Variants in QTMAN observed in about 807,000 individuals in gnomAD.
QTMAN encodes the protein queuosine-tRNA mannosyltransferase.
chr2:144,005,293 A>G, the QTMAN span, among the ~76,000 whole-genome samples: 1,112 of 152,244 alleles, frequency 7.3e-3, 10 homozygotes, highest in African/African-American at 0.024. Context: ...TACTCCTGAC[A>G]TATTGAACAA....
chr2:143,948,536 T>C, the QTMAN span, among the ~76,000 whole-genome samples: 1 of 152,162 alleles, frequency 6.6e-6, no homozygotes, highest in Non-Finnish European at 1.5e-5. Flanking sequence ...GGATAATGTC[T>C]ACCTTACACA....
At chr2:144,223,718 A>G in the QTMAN span, among the ~76,000 whole-genome samples, 331 of 152,334 alleles carry the variant, frequency 2.2e-3, 1 homozygote, top group Non-Finnish European at 3.7e-3. Context: ...AATAGTCTTG[A>G]GCTCATGACA....
the QTMAN span, among the ~76,000 whole-genome samples, chr2:143,990,533 G>T: frequency 2.6e-5 from 4 of 152,202 alleles, no homozygotes; most frequent in African/African-American, 9.6e-5. Flanking sequence ...GGAAAGAAAA[G>T]AATGCATGGG....
At chr2:144,231,925 A>G in the QTMAN span, among the ~76,000 whole-genome samples, 2 of 150,850 alleles carry the variant, frequency 1.3e-5, no homozygotes, top group African/African-American at 4.9e-5. Flanking sequence ...ACATTATCAG[A>G]CCTTGGCACA....
At chr2:144,301,686 CTCT>C in the QTMAN span, among the ~76,000 whole-genome samples, 1 of 152,204 alleles carries the variant, frequency 6.6e-6, no homozygotes, top group Non-Finnish European at 1.5e-5. Flanking sequence ...CCATAAGAGG[CTCT>C]TTTTAAAAGC....
At chr2:144,173,609 T>C in the QTMAN span, among the ~76,000 whole-genome samples, 1 of 152,200 alleles carries the variant, frequency 6.6e-6, no homozygotes, top group South Asian at 2.1e-4. Context: ...ATAATCATGA[T>C]GTTTCTCCAG....
chr2:144,103,349 CAGTG>C, the QTMAN span, among the ~76,000 whole-genome samples: 1 of 152,286 alleles, frequency 6.6e-6, no homozygotes, highest in East Asian at 1.9e-4. Flanking sequence ...ACTCAAAGGA[CAGTG>C]AGTATCTGTT....
chr2:144,185,216 C>T, the QTMAN span, among the ~76,000 whole-genome samples: 3 of 152,028 alleles, frequency 2.0e-5, no homozygotes, highest in African/African-American at 7.2e-5. Context: ...ATTATTAGTC[C>T]CATTTTAAAA....
chr2:144,133,430 TATATA>T, the QTMAN span, among the ~76,000 whole-genome samples: 1 of 53,568 alleles, frequency 1.9e-5, no homozygotes, highest in Non-Finnish European at 2.8e-5. Flanking sequence ...ATATATATAA[TATATA>T]ATATATAATA....
the QTMAN span, among the ~76,000 whole-genome samples, chr2:143,993,655 G>C: frequency 1.6e-3 from 249 of 152,246 alleles, no homozygotes; most frequent in African/African-American, 5.8e-3. Flanking sequence ...AAGGAGTGAG[G>C]CCAAGCTAAC....
the QTMAN span, among the ~76,000 whole-genome samples, chr2:144,058,239 C>T: frequency 6.7e-6 from 1 of 148,924 alleles, no homozygotes; most frequent in Admixed American, 6.9e-5. Context: ...TCCAATCTTT[C>T]CTTGAACTCT....
the QTMAN span, among the ~76,000 whole-genome samples, chr2:144,269,165 AT>A: frequency 8.8e-3 from 1,337 of 152,306 alleles, 14 homozygotes; most frequent in African/African-American, 0.03. Context: ...TCCATTCATA[AT>A]ATACGCTAAC....
At chr2:143,983,566 G>A in the QTMAN span, among the ~76,000 whole-genome samples, 13 of 143,440 alleles carry the variant, frequency 9.1e-5, no homozygotes, top group Non-Finnish European at 1.5e-4. Flanking sequence ...TTCGCCTCCC[G>A]GGTTCACGCC....
At chr2:144,086,348 T>A in the QTMAN span, among the ~76,000 whole-genome samples, 1 of 152,212 alleles carries the variant, frequency 6.6e-6, no homozygotes, top group Middle Eastern at 3.2e-3. Context: ...GGTCTCGCTG[T>A]GTTACTCAGG....
At chr2:144,208,115 A>G in the QTMAN span, among the ~76,000 whole-genome samples, 1 of 152,282 alleles carries the variant, frequency 6.6e-6, no homozygotes, top group Non-Finnish European at 1.5e-5. Context: ...CCCTTCAAGA[A>G]TAAGTCAAAG....
At chr2:144,141,992 C>A in the QTMAN span, 852,866 of 1,608,094 alleles carry the variant, frequency 0.53, 233,524 homozygotes, top group East Asian at 0.83. Flanking sequence ...TAAATTTTCC[C>A]ATGGAAGTGA....
the QTMAN span, among the ~76,000 whole-genome samples, chr2:144,231,543 T>C: frequency 6.6e-6 from 1 of 152,154 alleles, no homozygotes; most frequent in African/African-American, 2.4e-5. Flanking sequence ...GAATTAAAAC[T>C]ATACAATTTA....
At chr2:144,133,246 AAT>A in the QTMAN span, among the ~76,000 whole-genome samples, 8 of 27,026 alleles carry the variant, frequency 3.0e-4, no homozygotes, top group African/African-American at 4.1e-4. Context: ...TTTATATATA[AAT>A]ATATATAAAT....
At chr2:144,151,147 ATATTT>A in the QTMAN span, among the ~76,000 whole-genome samples, 139 of 152,276 alleles carry the variant, frequency 9.1e-4, 1 homozygote, top group Middle Eastern at 0.014. Context: ...TACATTAGGT[ATATTT>A]TATTTTATTC....
Sources: gnomAD v4.1 joint callset for allele counts (sites outside exome capture counted in the v4.1 genomes callset) on GRCh38, gnomAD v4.1.1 for gene constraint, MANE v1.5 for transcripts, NCBI Gene and HGNC (gene_info 2026-07-23, HGNC 2026-07-21) for gene names.